The following GSK3B variants were observed in gnomAD, a reference collection of about 807,000 sequenced individuals.
GSK3B encodes the protein glycogen synthase kinase-3 beta.
GSK3B carries 15 observed loss-of-function variants against 56.4 expected under a neutral mutation model. The observed-to-expected ratio is 0.27, with a 90% CI of 0.18 to 0.41. The LOEUF (loss-of-function observed/expected upper bound fraction) is 0.41. Among genes scored for constraint, GSK3B ranks in the 10% least tolerant of loss-of-function variants. The pLI is 1.00. For synonymous variants in GSK3B, 181 were observed against 188.9 expected (o/e 0.96, Z 0.34); for missense variants, 300 against 513.4 (o/e 0.58, Z 4.02).
intron 2 of GSK3B, among the ~76,000 whole-genome samples, chr3:119,965,038 C>CT (rs573903125): frequency 0.017 from 2,165 of 125,604 alleles, 26 homozygotes; most frequent in East Asian, 0.036. Flanking sequence ...ATTATGTTTT[C>CT]TTTTTTTTTT....
chr3:119,863,455 G>T lies in GSK3B; in HGVS notation c.1060C>A (p.Arg354=), dbSNP rs769881591. Residue 354 remains arginine, a synonymous_variant, in exon 9 of 11, where the codon CGA becomes AGA. Coordinates refer to ENST00000264235, the MANE Select transcript of GSK3B (RefSeq NM_001146156.2). ...AAGTTGAAGAGTGCAGGTGTGTCTCGCCCATTTGGTAGTTTGACATTTGGG... is the reference window on the plus strand; with the variant it reads ...AAGTTGAAGAGTGCAGGTGTGTCTCTCCCATTTGGTAGTTTGACATTTGGG... ...RDPNVKLPNG[R]DTPALFNFTT... is the part of the protein sequence containing the mutation. 1 of 1,613,830 alleles carries T rather than the reference G, an allele frequency of 6.2e-7. No individual in the cohort carries two copies. Among genetic ancestry groups the T allele is most frequent in the Non-Finnish European group, 8.5e-7 (1 of 1,179,816 alleles).
At chr3:119,865,662 G>T (rs910662588) in intron 8 of GSK3B, among the ~76,000 whole-genome samples, 3 of 151,040 alleles carry the variant, frequency 2.0e-5, no homozygotes, top group African/African-American at 7.3e-5. Context: ...GTAGAGATGG[G>T]GTTTCACCGT....
chr3:120,094,188 A>C lies in GSK3B; in HGVS notation c.-754T>G, dbSNP rs890962863. ...CGACTGTTCCCCATTCGCCGGGGAC[A>C]TGGGAACCCGGCAACCGCTTCCGTC... On this transcript the variant is annotated 5_prime_UTR_variant, in exon 1 of 11. It removes an upstream start codon present in the reference 5' UTR. Transcript: ENST00000264235. The C allele has an allele frequency of 4.0e-5, 9 of 226,512 alleles. No homozygotes were observed. The highest frequency in any genetic ancestry group is 1.3e-4 in the South Asian group (1 of 7,802). The allele number at this position is 226,512 out of a possible 1,614,324, so 14.0% of individuals were successfully genotyped here.
chr3:119,930,080 T>TAC (rs71619762), intron 3 of GSK3B, among the ~76,000 whole-genome samples: 21,919 of 133,350 alleles, frequency 0.16, 1,752 homozygotes, highest in Non-Finnish European at 0.18. Flanking sequence ...TTCTGTCTCC[T>TAC]ACACACACAC....
At chr3:120,020,781 T>C (rs192369695) in intron 1 of GSK3B, among the ~76,000 whole-genome samples, 12 of 152,314 alleles carry the variant, frequency 7.9e-5, no homozygotes, top group South Asian at 2.1e-4. Flanking sequence ...AAAGCCCAGA[T>C]AGGCTGAAAG....
chr3:120,048,412 C>A (rs2058121034), intron 1 of GSK3B, among the ~76,000 whole-genome samples: 1 of 152,192 alleles, frequency 6.6e-6, no homozygotes, highest in African/African-American at 2.4e-5. Flanking sequence ...CTAGCATAGT[C>A]ACTAAGAGCA....
chr3:120,080,454 C>T (rs1242416246), intron 1 of GSK3B, among the ~76,000 whole-genome samples: 1 of 152,098 alleles, frequency 6.6e-6, no homozygotes, highest in East Asian at 1.9e-4. Context: ...ATTTCTCACC[C>T]TCTCTGGGAA....
At chr3:119,901,529 A>G (rs2108076282) in intron 7 of GSK3B, among the ~76,000 whole-genome samples, 1 of 152,308 alleles carries the variant, frequency 6.6e-6, no homozygotes, top group South Asian at 2.1e-4. Flanking sequence ...CAGTGAGGAA[A>G]ATTAAAAATG....
chr3:119,892,398 G>A (rs536844419), intron 7 of GSK3B, among the ~76,000 whole-genome samples: 2 of 152,122 alleles, frequency 1.3e-5, no homozygotes, highest in African/African-American at 4.8e-5. Context: ...ACTCCCTTCC[G>A]CTCCCTATCT....
chr3:119,962,288 T>A (rs1446343534), intron 2 of GSK3B, among the ~76,000 whole-genome samples: 1 of 150,688 alleles, frequency 6.6e-6, no homozygotes, highest in Non-Finnish European at 1.5e-5. Context: ...GGCAGGAGAA[T>A]CGCTTGAACC....
intron 3 of GSK3B, among the ~76,000 whole-genome samples, chr3:119,940,586 G>A (rs1168338960): frequency 2.6e-5 from 4 of 151,970 alleles, no homozygotes; most frequent in African/African-American, 9.7e-5. Flanking sequence ...CTAGACTGTG[G>A]GGGCTCAAAT....
intron 1 of GSK3B, among the ~76,000 whole-genome samples, chr3:120,038,849 G>A (rs1416465233): frequency 2.7e-5 from 4 of 150,516 alleles, no homozygotes; most frequent in Admixed American, 2.0e-4. Context: ...AGTGGGCTTC[G>A]TTAAAATTAA....
intron 7 of GSK3B, among the ~76,000 whole-genome samples, chr3:119,881,677 G>A (rs111334335): frequency 2.0e-5 from 3 of 152,030 alleles, no homozygotes; most frequent in Non-Finnish European, 4.4e-5. Context: ...TTAAGCATTC[G>A]GCTAACTTTC....
intron 1 of GSK3B, chr3:120,041,339 G>A (rs2058063433): frequency 6.4e-6 from 2 of 311,670 alleles, no homozygotes; most frequent in African/African-American, 4.4e-5. Context: ...ATTGTAGTTG[G>A]GCCAGTGCTG....
intron 8 of GSK3B, among the ~76,000 whole-genome samples, chr3:119,876,093 T>C (rs1576167154): frequency 6.6e-6 from 1 of 152,152 alleles, no homozygotes; most frequent in Non-Finnish European, 1.5e-5. Context: ...TACACCTCTA[T>C]GTAAATAAAC....
At chr3:119,959,369 A>C (rs1288243026) in intron 2 of GSK3B, among the ~76,000 whole-genome samples, 1 of 152,066 alleles carries the variant, frequency 6.6e-6, no homozygotes, top group African/African-American at 2.4e-5. Flanking sequence ...CATCAACTTG[A>C]CATGTTATAA....
intron 7 of GSK3B, among the ~76,000 whole-genome samples, chr3:119,890,206 CATA>C (rs2056486617): frequency 6.6e-6 from 1 of 151,964 alleles, no homozygotes; most frequent in Non-Finnish European, 1.5e-5. Flanking sequence ...GAGCTTTACT[CATA>C]ATAACCAAAA....
chr3:120,047,766 T>C (rs942646059), intron 1 of GSK3B, among the ~76,000 whole-genome samples: 6 of 152,174 alleles, frequency 3.9e-5, no homozygotes, highest in Non-Finnish European at 7.4e-5. Flanking sequence ...TACAATATTT[T>C]AAAAACAAAG....
At chr3:119,866,515 G>T in intron 8 of GSK3B, 1 of 855,144 alleles carries the variant, frequency 1.2e-6, no homozygotes, top group Middle Eastern at 2.2e-4. Flanking sequence ...TAATTATTTA[G>T]CCTCTCAAAG....
Sources: gnomAD v4.1 joint callset for allele counts (sites outside exome capture counted in the v4.1 genomes callset) on GRCh38, gnomAD v4.1.1 for gene constraint, MANE v1.5 for transcripts, NCBI Gene and HGNC (gene_info 2026-07-23, HGNC 2026-07-21) for gene names.